DCC: variants seen among roughly 807,000 people sequenced by gnomAD.
DCC encodes the protein netrin receptor DCC.
In DCC, 58 loss-of-function variants were observed where a neutral mutation model predicts 172.5. The observed-to-expected ratio is 0.34, with a 90% confidence interval of 0.27 to 0.42. DCC has a LOEUF of 0.42. DCC is among the 10% of genes least tolerant of loss of function. The pLI, the probability that DCC is intolerant of heterozygous loss-of-function variation, is 1.00. For synonymous variants in DCC, 709 were observed against 644.5 expected, an observed-to-expected ratio of 1.10 and a Z score of -1.52; for missense variants, 1,740 against 1,791.0, an observed-to-expected ratio of 0.97 and a Z score of 0.51.
intron 1 of DCC, among the ~76,000 whole-genome samples, chr18:52,640,717 A>C (rs1480296696): frequency 6.6e-6 from 1 of 152,202 alleles, no homozygotes; most frequent in African/African-American, 2.4e-5. Context: ...ATCATAGATC[A>C]CACAAACAAA....
At chr18:53,372,808 T>C (rs1371161864) in intron 15 of DCC, among the ~76,000 whole-genome samples, 1 of 152,120 alleles carries the variant, frequency 6.6e-6, no homozygotes, top group African/African-American at 2.4e-5. Context: ...GGGAGAAATC[T>C]GTCCTGAAAT....
At chr18:53,530,071 G>GA (rs1334564320) in intron 28 of DCC, among the ~76,000 whole-genome samples, 2 of 152,268 alleles carry the variant, frequency 1.3e-5, no homozygotes, top group African/African-American at 2.4e-5. Flanking sequence ...ATGATACAGA[G>GA]AAAAAATATT....
At chr18:53,418,728 G>A (rs1910461638) in intron 21 of DCC, among the ~76,000 whole-genome samples, 2 of 152,074 alleles carry the variant, frequency 1.3e-5, no homozygotes, top group Admixed American at 1.3e-4. Context: ...TATTATTTTA[G>A]GGATTGAAGA....
At chr18:52,528,967 G>A (rs1454277444) in intron 1 of DCC, among the ~76,000 whole-genome samples, 1 of 152,056 alleles carries the variant, frequency 6.6e-6, no homozygotes, top group Admixed American at 6.5e-5. Context: ...TGATACAAAT[G>A]ACAAACTGTA....
At chr18:52,436,961 T>C (rs1987816583) in intron 1 of DCC, among the ~76,000 whole-genome samples, 1 of 152,090 alleles carries the variant, frequency 6.6e-6, no homozygotes, top group African/African-American at 2.4e-5. Flanking sequence ...CCTTCTGAGA[T>C]AATTATTAAA....
At chr18:53,144,414 G>C (rs2043875170) in intron 7 of DCC, among the ~76,000 whole-genome samples, 1 of 152,124 alleles carries the variant, frequency 6.6e-6, no homozygotes, top group Non-Finnish European at 1.5e-5. Flanking sequence ...CACCTGGTTG[G>C]GGAGGCCTGG....
At chr18:52,842,253 T>C (rs1048116730) in intron 2 of DCC, among the ~76,000 whole-genome samples, 1 of 152,046 alleles carries the variant, frequency 6.6e-6, no homozygotes, top group Non-Finnish European at 1.5e-5. Context: ...CATATATACA[T>C]AGTAGGAGAG....
intron 22 of DCC, among the ~76,000 whole-genome samples, chr18:53,444,143 C>T (rs1912449997): frequency 6.6e-6 from 1 of 152,176 alleles, no homozygotes; most frequent in Non-Finnish European, 1.5e-5. Context: ...AAAAGAATTT[C>T]TCCTATGGGT....
intron 1 of DCC, among the ~76,000 whole-genome samples, chr18:52,431,314 T>G (rs1987614906): frequency 1.3e-5 from 2 of 151,780 alleles, no homozygotes; most frequent in South Asian, 4.2e-4. Flanking sequence ...GCAATAATAA[T>G]AAAGAAAGAA....
At chr18:53,203,521 C>T (rs1290633122) in intron 9 of DCC, among the ~76,000 whole-genome samples, 1 of 152,078 alleles carries the variant, frequency 6.6e-6, no homozygotes, top group African/African-American at 2.4e-5. Flanking sequence ...CATGTTCTGC[C>T]ATGAATAGAA....
chr18:53,339,978 G>T, intron 15 of DCC, 71 bp downstream of exon 15: 1 of 1,398,138 alleles, frequency 7.2e-7, no homozygotes, highest in South Asian at 1.2e-5. Context: ...TGTATTTCTT[G>T]GAAAACTGTT....
intron 5 of DCC, among the ~76,000 whole-genome samples, chr18:52,989,921 A>T (rs2041356905): frequency 6.6e-6 from 1 of 152,218 alleles, no homozygotes; most frequent in Non-Finnish European, 1.5e-5. Context: ...AGGTAGAGAC[A>T]GAGGTCTGCA....
At chr18:52,907,399 A>G (rs975949051) in intron 3 of DCC, among the ~76,000 whole-genome samples, 5 of 146,668 alleles carry the variant, frequency 3.4e-5, no homozygotes, top group Non-Finnish European at 5.9e-5. Flanking sequence ...TGTCATGTAT[A>G]TATACATCAT....
chr18:53,139,701 G>A (rs973925733), intron 7 of DCC, among the ~76,000 whole-genome samples: 5 of 152,098 alleles, frequency 3.3e-5, no homozygotes, highest in African/African-American at 1.2e-4. Flanking sequence ...GAGAGGTGAG[G>A]CAGTTTGTAT....
At chr18:52,985,809 T>A (rs2145612164) in intron 5 of DCC, among the ~76,000 whole-genome samples, 1 of 152,270 alleles carries the variant, frequency 6.6e-6, no homozygotes, top group Non-Finnish European at 1.5e-5. Context: ...TATTTAAGCT[T>A]TTCTACTAGT....
intron 5 of DCC, among the ~76,000 whole-genome samples, chr18:52,962,647 CA>C (rs2040860845): frequency 6.6e-6 from 1 of 151,882 alleles, no homozygotes; most frequent in Non-Finnish European, 1.5e-5. Context: ...TATAAAGACA[CA>C]TGCACATGTA....
Position 53,084,881 on chromosome 18 carries a change from T to C in DCC, c.1261+18715T>C, listed in dbSNP as rs148953111. ...TTTTGCATCTACATTCTGATCATTT[T>C]GGAAAATTCTTACAGAAATTGGACA... On this transcript the variant is annotated intron_variant, in intron 7 of 28. Transcript: ENST00000442544. Among the ~76,000 whole-genome samples, 9 of 152,342 alleles carry C rather than the reference T, an allele frequency of 5.9e-5. No individual in the cohort carries two copies. In the East Asian group the frequency reaches 1.7e-3, roughly 29 times the overall value.
At chr18:52,498,861 A>G (rs886827525) in intron 1 of DCC, among the ~76,000 whole-genome samples, 1 of 152,062 alleles carries the variant, frequency 6.6e-6, no homozygotes, top group Non-Finnish European at 1.5e-5. Context: ...ACCCACTCTC[A>G]TGACCTTATT....
At chr18:53,423,031 G>A (rs959166253) in intron 21 of DCC, among the ~76,000 whole-genome samples, 1 of 152,054 alleles carries the variant, frequency 6.6e-6, no homozygotes, top group Non-Finnish European at 1.5e-5. Context: ...CATGTTCCCA[G>A]CAAGCAGTCA....
Sources: allele counts gnomAD v4.1 joint callset (sites outside exome capture counted in the v4.1 genomes callset), GRCh38; gene constraint gnomAD v4.1.1; transcripts MANE v1.5; gene names NCBI Gene and HGNC (gene_info 2026-07-23, HGNC 2026-07-21).